Variants in AP3S2 observed in about 807,000 individuals in gnomAD.
The protein encoded by AP3S2 is AP-3 complex subunit sigma-2.
Under a neutral mutation model 23.4 loss-of-function variants are expected in AP3S2, and 22 were observed. That is an observed-to-expected ratio of 0.94 (90% CI 0.67 to 1.34). AP3S2 has a LOEUF of 1.34. Among genes scored for constraint, AP3S2 ranks in the 40% most tolerant of loss-of-function variants. The probability of loss-of-function intolerance (pLI) is 0.00; values close to 1 mark genes in which losing one functional copy is unlikely to be tolerated. For synonymous variants in AP3S2, 86 were observed against 87.1 expected (o/e 0.99, Z 0.07); for missense variants, 241 against 236.9 (o/e 1.02, Z -0.11).
chr15:89,879,457 A>G (rs1172753193), intron 3 of AP3S2, among the ~76,000 whole-genome samples: 2 of 152,234 alleles, frequency 1.3e-5, no homozygotes, highest in Admixed American at 1.3e-4. Context: ...ATAGATGCCC[A>G]CAAGTAGCAT....
intron 3 of AP3S2, among the ~76,000 whole-genome samples, chr15:89,873,786 T>A (rs1397283595): frequency 6.6e-6 from 1 of 152,146 alleles, no homozygotes; most frequent in African/African-American, 2.4e-5. Flanking sequence ...AGCACCCATT[T>A]AGCAATAAGA....
At chr15:89,845,062 C>T (rs1159869000) in intron 4 of AP3S2, among the ~76,000 whole-genome samples, 1 of 152,132 alleles carries the variant, frequency 6.6e-6, no homozygotes, top group South Asian at 2.1e-4. Flanking sequence ...CCCGCCACCA[C>T]GCCCAGCTTA....
chr15:89,885,472 G>T (rs1896675392), intron 3 of AP3S2, among the ~76,000 whole-genome samples: 3 of 152,102 alleles, frequency 2.0e-5, no homozygotes, highest in Admixed American at 2.0e-4. Context: ...CAAAGTGCTA[G>T]GATTACAGGC....
intron 4 of AP3S2, chr15:89,848,905 G>A (rs1287697340): frequency 6.6e-6 from 1 of 152,160 alleles, no homozygotes; most frequent in Non-Finnish European, 1.5e-5. Context: ...AGAGGAAGAA[G>A]ATATCTTTAT....
At chr15:89,888,396 G>A in intron 3 of AP3S2, 125 bp downstream of exon 3, 1 of 820,320 alleles carries the variant, frequency 1.2e-6, no homozygotes, top group Non-Finnish European at 1.9e-6. Flanking sequence ...GCACCATCTG[G>A]TGGACATCTG....
intron 4 of AP3S2, among the ~76,000 whole-genome samples, chr15:89,846,995 ATCACCTCATCC>A (rs1407520470): frequency 6.6e-6 from 1 of 152,088 alleles, no homozygotes. Context: ...CTAGGATGCT[ATCACCTCATCC>A]TCCATCCCTT....
At chr15:89,879,147 G>A (rs1420517126) in intron 3 of AP3S2, among the ~76,000 whole-genome samples, 1 of 152,190 alleles carries the variant, frequency 6.6e-6, no homozygotes, top group Non-Finnish European at 1.5e-5. Context: ...CCAAAGTATT[G>A]GTATTACAGG....
At chr15:89,892,135 C>A (rs963513165) in intron 1 of AP3S2, among the ~76,000 whole-genome samples, 2 of 152,104 alleles carry the variant, frequency 1.3e-5, no homozygotes, top group Admixed American at 6.5e-5. Flanking sequence ...ACACAAAAAA[C>A]CACTTATTTA....
intron 4 of AP3S2, 195 bp from the exon 5 acceptor site, chr15:89,837,917 C>G: frequency 1.8e-6 from 1 of 546,466 alleles, no homozygotes. Flanking sequence ...CAACACGAAT[C>G]TCTCCCCTCA....
chr15:89,885,182 T>C (rs2082972263), intron 3 of AP3S2, among the ~76,000 whole-genome samples: 1 of 151,968 alleles, frequency 6.6e-6, no homozygotes, highest in Non-Finnish European at 1.5e-5. Context: ...TGACCTCATT[T>C]GGGCAGTTTT....
intron 3 of AP3S2, among the ~76,000 whole-genome samples, chr15:89,871,888 C>A (rs1274428907): frequency 6.6e-6 from 1 of 152,046 alleles, no homozygotes; most frequent in African/African-American, 2.4e-5. Flanking sequence ...GCAGGAGGAT[C>A]ACTTGAGGCC....
In AP3S2 at chr15:89,840,955, A is replaced by C. The variant is rs534136389; in HGVS notation, c.346-3233T>G. Among the ~76,000 whole-genome samples, 15 of 152,276 alleles carry C rather than the reference A, an allele frequency of 9.9e-5. No homozygotes were observed. The South Asian group carries it at 3.1e-3, about 32-fold the overall frequency. On this transcript the variant is annotated intron_variant, in intron 4 of 5. Coordinates refer to ENST00000336418, the MANE Select transcript of AP3S2 (RefSeq NM_005829.5). ...TTTAAGACTTGTCTTTGGTGTGTCA[A>C]TATCTTGTATTAATTCTTCCATGCT... is the stretch of plus-strand genomic sequence containing the variant.
chr15:89,847,695 A>T (rs567854111), intron 4 of AP3S2, among the ~76,000 whole-genome samples: 7 of 152,238 alleles, frequency 4.6e-5, no homozygotes, highest in Non-Finnish European at 1.0e-4. Context: ...ATAAACAAGA[A>T]GGCATAAGCA....
At chr15:89,887,834 A>G in intron 3 of AP3S2, among the ~76,000 whole-genome samples, 1 of 152,032 alleles carries the variant, frequency 6.6e-6, no homozygotes, top group Non-Finnish European at 1.5e-5. Context: ...CCATGCCTGG[A>G]TAATTTTTGT....
rs1433716254 is a variant in AP3S2 at position 89,871,671 on chromosome 15, T to G, written c.274-125A>C. 3 of 932,424 alleles carry G rather than the reference T, an allele frequency of 3.2e-6. No homozygotes were observed. The African/African-American group carries it at 5.1e-5, about 16-fold the overall frequency. The allele number at this position is 932,424 out of a possible 1,614,324, so 57.8% of individuals were successfully genotyped here. A position where few individuals can be genotyped will look rare whatever the true frequency, so the allele number is the denominator to read the frequency against. ...TTTACTTTATGATAAATCTCAAAAA[T>G]TAAAACACCTACCTTTTGTCTCCAG... On this transcript the variant is annotated intron_variant, in intron 3 of 5. Coordinates refer to ENST00000336418, the MANE Select transcript of AP3S2 (RefSeq NM_005829.5).
At chr15:89,872,421 C>T (rs183820562) in intron 3 of AP3S2, among the ~76,000 whole-genome samples, 10 of 152,258 alleles carry the variant, frequency 6.6e-5, no homozygotes, top group Non-Finnish European at 4.4e-5. Context: ...AACCTTTTAA[C>T]TTTTAATAAA....
intron 3 of AP3S2, among the ~76,000 whole-genome samples, chr15:89,872,054 G>C (rs1458217673): frequency 6.6e-6 from 1 of 150,926 alleles, no homozygotes; most frequent in Admixed American, 6.6e-5. Flanking sequence ...TTGAGGTGGA[G>C]GTTGCCATAA....
In AP3S2 at chr15:89,831,946, C is replaced by T. The variant is rs924019070; in HGVS notation, c.*3569G>A. 2.6e-5 allele frequency: 4 copies of T among 152,258 alleles called. No individual in the cohort carries two copies. The highest frequency in any genetic ancestry group is 2.6e-4 in the Admixed American group (4 of 15,288). The allele number at this position is 152,258 out of a possible 1,614,324, so 9.4% of individuals were successfully genotyped here. ...ACAAAGTTACTGACTGCGGTCTCCA[C>T]AAATTCAGGCTGCCAGTCCGATGCA... On this transcript the variant is annotated 3_prime_UTR_variant, in exon 6 of 6. Transcript: ENST00000336418.
intron 4 of AP3S2, among the ~76,000 whole-genome samples, chr15:89,859,368 TCC>T (rs1895952008): frequency 8.8e-6 from 1 of 114,226 alleles, no homozygotes; most frequent in Admixed American, 1.0e-4. Context: ...TTCCTTTCCT[TCC>T]TTCCTTCCTT....
Sources: gnomAD v4.1 joint callset for allele counts (sites outside exome capture counted in the v4.1 genomes callset) on GRCh38, gnomAD v4.1.1 for gene constraint, MANE v1.5 for transcripts, NCBI Gene and HGNC (gene_info 2026-07-23, HGNC 2026-07-21) for gene names.